Variants in PCDH15 observed in about 807,000 individuals in gnomAD.
PCDH15 encodes protocadherin-15.
In PCDH15, 129 loss-of-function variants were observed where a neutral mutation model predicts 178.5. The observed-to-expected ratio is 0.72, with a 90% CI of 0.63 to 0.84. The LOEUF (loss-of-function observed/expected upper bound fraction) is 0.84, where lower values mean the gene tolerates loss of function less well. Ranked by LOEUF, PCDH15 falls within the 40% of genes least tolerant of loss-of-function variation. The pLI is 0.00. For missense variants in PCDH15, 2,230 were observed against 2,099.9 expected (o/e 1.06, Z -1.21); for synonymous variants, 800 against 732.0 (o/e 1.09, Z -1.50).
chr10:54,670,258 A>G (rs985860872), intron 1 of PCDH15, among the ~76,000 whole-genome samples: 1 of 152,122 alleles, frequency 6.6e-6, no homozygotes, highest in Non-Finnish European at 1.5e-5. Flanking sequence ...TAAATATATA[A>G]TCAACAGTTG....
chr10:54,151,621 G>T (rs2044544510), intron 14 of PCDH15, among the ~76,000 whole-genome samples: 1 of 151,806 alleles, frequency 6.6e-6, no homozygotes, highest in Non-Finnish European at 1.5e-5. Flanking sequence ...GAAATGTACA[G>T]AACTTACATA....
At chr10:54,658,488 A>G (rs1238242390) in intron 2 of PCDH15, among the ~76,000 whole-genome samples, 1 of 152,162 alleles carries the variant, frequency 6.6e-6, no homozygotes, top group East Asian at 1.9e-4. Context: ...GCCTTCTTAA[A>G]GAAAATAATT....
chr10:55,210,988 C>A (rs1270254710), intron 1 of PCDH15, among the ~76,000 whole-genome samples: 2 of 151,874 alleles, frequency 1.3e-5, no homozygotes, highest in Non-Finnish European at 2.9e-5. Context: ...CCCCTTGAAA[C>A]GTTTTTGATT....
At chr10:54,992,438 A>T (rs1332520902) in intron 2 of PCDH15, among the ~76,000 whole-genome samples, 1 of 152,116 alleles carries the variant, frequency 6.6e-6, no homozygotes, top group Non-Finnish European at 1.5e-5. Context: ...ACATCCTCTT[A>T]TACCTGAGAA....
chr10:54,373,189 G>A (rs1489626304), intron 4 of PCDH15, among the ~76,000 whole-genome samples: 3 of 151,754 alleles, frequency 2.0e-5, no homozygotes, highest in African/African-American at 7.3e-5. Flanking sequence ...GGAAGTCAAT[G>A]ATTTGGGGGG....
chr10:55,103,982 A>G (rs768931820), intron 2 of PCDH15, among the ~76,000 whole-genome samples: 1 of 152,136 alleles, frequency 6.6e-6, no homozygotes, highest in Non-Finnish European at 1.5e-5. Context: ...ACTAGCAGCT[A>G]GTATTGATCT....
chr10:54,372,753 C>A, intron 4 of PCDH15, among the ~76,000 whole-genome samples: 1 of 151,812 alleles, frequency 6.6e-6, no homozygotes, highest in East Asian at 1.9e-4. Flanking sequence ...AAATTGTGTT[C>A]ATATAACTAT....
At chr10:54,101,545 T>A (rs1379684673) in intron 15 of PCDH15, among the ~76,000 whole-genome samples, 2 of 152,134 alleles carry the variant, frequency 1.3e-5, no homozygotes, top group Non-Finnish European at 2.9e-5. Context: ...AGTTGATACA[T>A]ATATCAAAAA....
intron 2 of PCDH15, among the ~76,000 whole-genome samples, chr10:55,071,923 A>C (rs1179618924): frequency 6.6e-6 from 1 of 152,230 alleles, no homozygotes; most frequent in African/African-American, 2.4e-5. Flanking sequence ...CAATCAAACT[A>C]GAACTCAGGA....
At chr10:54,550,852 T>C (rs1359187108) in intron 2 of PCDH15, among the ~76,000 whole-genome samples, 1 of 152,074 alleles carries the variant, frequency 6.6e-6, no homozygotes, top group East Asian at 1.9e-4. Flanking sequence ...TGAGTTTACA[T>C]TGTCTTTAAA....
At chr10:55,210,618 CTTTTTT>C (rs11412877) in intron 1 of PCDH15, among the ~76,000 whole-genome samples, 37 of 40,338 alleles carry the variant, frequency 9.2e-4, no homozygotes, top group East Asian at 2.5e-3. Context: ...TTTTTCTTTT[CTTTTTT>C]TTTTTTTTTT....
chr10:53,850,060 A>G (rs1564607668), intron 28 of PCDH15, among the ~76,000 whole-genome samples: 2 of 152,044 alleles, frequency 1.3e-5, no homozygotes, highest in Non-Finnish European at 2.9e-5. Context: ...TTGGGCTAAG[A>G]TAACATTCCT....
chr10:54,770,782 C>T (rs528246489), intron 1 of PCDH15, among the ~76,000 whole-genome samples: 70 of 152,050 alleles, frequency 4.6e-4, no homozygotes, highest in Admixed American at 1.1e-3. Context: ...TTAATCTCAA[C>T]GAAATTACCC....
intron 15 of PCDH15, among the ~76,000 whole-genome samples, chr10:54,108,406 A>G (rs1418359683): frequency 2.6e-5 from 4 of 152,152 alleles, no homozygotes; most frequent in Non-Finnish European, 4.4e-5. Context: ...ACCAGAATGA[A>G]TTCAGCTGAT....
At chr10:54,902,086 T>C (rs1012589854) in intron 2 of PCDH15, among the ~76,000 whole-genome samples, 4 of 152,214 alleles carry the variant, frequency 2.6e-5, no homozygotes, top group Non-Finnish European at 5.9e-5. Context: ...TAGTTTAATG[T>C]AACTGAAACA....
At chr10:53,857,364 G>A in intron 27 of PCDH15, 101 bp from the exon 28 acceptor site, 1 of 825,466 alleles carries the variant, frequency 1.2e-6, no homozygotes, top group Non-Finnish European at 2.1e-6. Flanking sequence ...CATAGACACA[G>A]TGGTTTCTGA....
intron 3 of PCDH15, among the ~76,000 whole-genome samples, chr10:54,821,416 A>T (rs1221418107): frequency 6.8e-6 from 1 of 147,870 alleles, no homozygotes; most frequent in Non-Finnish European, 1.5e-5. Flanking sequence ...CCTTTTTAAT[A>T]AAAAAAAAAT....
At chr10:54,285,742 C>G (rs2058990771) in intron 8 of PCDH15, among the ~76,000 whole-genome samples, 1 of 152,116 alleles carries the variant, frequency 6.6e-6, no homozygotes, top group African/African-American at 2.4e-5. Context: ...GAAATGAAAT[C>G]AGTATGTCTT....
chr10:54,535,144 A>T (rs551960762), intron 2 of PCDH15, among the ~76,000 whole-genome samples: 1 of 152,182 alleles, frequency 6.6e-6, no homozygotes, highest in Non-Finnish European at 1.5e-5. Flanking sequence ...ATGATATTTT[A>T]TGTACCTTAG....
Sources: gnomAD v4.1 joint callset for allele counts (sites outside exome capture counted in the v4.1 genomes callset) on GRCh38, gnomAD v4.1.1 for gene constraint, MANE v1.5 for transcripts, NCBI Gene and HGNC (gene_info 2026-07-23, HGNC 2026-07-21) for gene names.